Variants in PSME4 observed in about 807,000 individuals in gnomAD.
The protein encoded by PSME4 is proteasome activator complex subunit 4.
In PSME4, 89 loss-of-function variants were observed where a neutral mutation model predicts 253.9. The observed-to-expected ratio is 0.35, with a 90% CI of 0.30 to 0.42. The LOEUF is 0.42. Among genes scored for constraint, PSME4 ranks in the 10% least tolerant of loss-of-function variants. The pLI is 1.00. For missense variants in PSME4, 2,014 were observed against 2,195.2 expected, an observed-to-expected ratio of 0.92 and a Z score of 1.65; for synonymous variants, 851 against 759.2, an observed-to-expected ratio of 1.12 and a Z score of -1.99.
Position 53,875,614 on chromosome 2 carries a change from TA to T in PSME4, c.4944+12del, listed in dbSNP as rs2091004699. 15 of 1,596,502 alleles carry T rather than the reference TA, an allele frequency of 9.4e-6. No homozygotes were observed. Among genetic ancestry groups the T allele is most frequent in the Non-Finnish European group, 1.3e-5 (15 of 1,174,484 alleles). On this transcript the variant is annotated intron_variant, in intron 42 of 46. Coordinates refer to ENST00000404125, the MANE Select transcript of PSME4 (RefSeq NM_014614.3). ...TCCTAATCAAAAGACATAAATATTA[TA>T]AACACTCTTACTTGTTTTAGCACCT...
intron 1 of PSME4, among the ~76,000 whole-genome samples, chr2:53,960,596 T>C (rs992694000): frequency 1.3e-5 from 2 of 152,182 alleles, no homozygotes; most frequent in East Asian, 3.8e-4. Flanking sequence ...AGGAACAGCA[T>C]GGTTCTACAA....
At chr2:53,924,878 G>A (rs1039527350) in intron 14 of PSME4, among the ~76,000 whole-genome samples, 1 of 152,184 alleles carries the variant, frequency 6.6e-6, no homozygotes, top group Non-Finnish European at 1.5e-5. Flanking sequence ...ACAGGATTAT[G>A]TTCCTGTGAA....
intron 41 of PSME4, among the ~76,000 whole-genome samples, chr2:53,882,576 G>A (rs907922094): frequency 6.6e-6 from 1 of 152,104 alleles, no homozygotes; most frequent in Non-Finnish European, 1.5e-5. Context: ...TGAATTAGAT[G>A]CCCATGATTA....
intron 4 of PSME4, among the ~76,000 whole-genome samples, chr2:53,939,358 T>C (rs1397558765): frequency 6.6e-6 from 1 of 152,168 alleles, no homozygotes; most frequent in Non-Finnish European, 1.5e-5. Context: ...AATTGAGCTT[T>C]AATTAATTAA....
chr2:53,898,103 A>C (rs891390742), intron 30 of PSME4, 104 bp from the exon 31 acceptor site: 16 of 1,387,842 alleles, frequency 1.2e-5, no homozygotes, highest in Non-Finnish European at 1.4e-5. Flanking sequence ...CAAGAATTAA[A>C]ATAGGTCTAG....
At position 53,970,893 on chromosome 2, in the gene PSME4, G is replaced by A. The variant is rs1278153843; in HGVS notation, c.-109C>T. ...CTTCGTCGCCCTGCGGCCGCTGGCG[G>A]CCCGTCGCCCTCGGACCGATCGCTA... On this transcript the variant is annotated 5_prime_UTR_variant, in exon 1 of 47. Transcript: ENST00000404125. 8.1e-6 allele frequency: 8 copies of A among 981,818 alleles called. No homozygotes were observed. The highest frequency in any genetic ancestry group is 5.5e-5 in the South Asian group (3 of 54,182). The allele number at this position is 981,818 out of a possible 1,614,324, so 60.8% of individuals were successfully genotyped here.
In PSME4 at chr2:53,897,757, A is replaced by G. The variant is rs1222129275; in HGVS notation, c.3606+113T>C. On this transcript the variant is annotated intron_variant, in intron 31 of 46. Transcript: ENST00000404125. Reference sequence around the variant, plus strand: ...ATCAACAGGGGGAGATTTCAAATCAATACACTTCAAGATATTTATTAACCA... The same window carrying G: ...ATCAACAGGGGGAGATTTCAAATCAGTACACTTCAAGATATTTATTAACCA... The G allele has an allele frequency of 6.5e-6, 8 of 1,226,342 alleles. No homozygotes were observed. The African/African-American group carries it at 1.2e-4, about 19-fold the overall frequency. 76.0% of individuals were successfully genotyped at this position (1,226,342 alleles called of 1,614,324 possible). A position where few individuals can be genotyped will look rare whatever the true frequency, so the allele number is the denominator to read the frequency against.
chr2:53,949,082 A>T (rs1002791341), intron 2 of PSME4, 61 bp downstream of exon 2: 7 of 1,463,392 alleles, frequency 4.8e-6, no homozygotes, highest in Non-Finnish European at 6.3e-6. Context: ...CTTAGTCCTC[A>T]TTCCCTAAAA....
intron 9 of PSME4, among the ~76,000 whole-genome samples, chr2:53,932,310 T>C (rs1208430100): frequency 1.3e-5 from 2 of 152,110 alleles, no homozygotes; most frequent in South Asian, 4.1e-4. Flanking sequence ...AATTCCAGTC[T>C]AAAAAAATTT....
chr2:53,941,445 CA>C (rs1669451672), intron 3 of PSME4, among the ~76,000 whole-genome samples: 1 of 151,346 alleles, frequency 6.6e-6, no homozygotes, highest in East Asian at 1.9e-4. Flanking sequence ...TAAAAAAAAA[CA>C]GGGCAAACTT....
chr2:53,893,533 C>G (rs1405183021), intron 35 of PSME4, 141 bp downstream of exon 35: 1 of 1,457,698 alleles, frequency 6.9e-7, no homozygotes. Flanking sequence ...CAACAAAAGT[C>G]TGTACATGTT....
At chr2:53,962,862 T>C (rs1253963532) in intron 1 of PSME4, among the ~76,000 whole-genome samples, 3 of 151,468 alleles carry the variant, frequency 2.0e-5, no homozygotes, top group Non-Finnish European at 2.9e-5. Context: ...AACAGAAAAA[T>C]TCGCCAGGCA....
Position 53,921,018 on chromosome 2 carries a change from C to T in PSME4, c.2133G>A (p.Lys711=). 2.5e-6 allele frequency: 4 copies of T among 1,614,088 alleles called. No individual in the cohort carries two copies. Among genetic ancestry groups the T allele is most frequent in the Non-Finnish European group, 3.4e-6 (4 of 1,179,992 alleles). ...GGTTACAAGACAGAGTGTAACCCTGCTTACAGGTTAAATGTAGGGTTCTTT... is the reference window on the plus strand; with the variant it reads ...GGTTACAAGACAGAGTGTAACCCTGTTTACAGGTTAAATGTAGGGTTCTTT... ...ILQRTLHLTC[K]QGYTLSCNLL... The change falls in exon 18 of 47, where the codon AAG becomes AAA. Residue 711 remains lysine (K), a synonymous_variant. Transcript: ENST00000404125.
intron 8 of PSME4, among the ~76,000 whole-genome samples, chr2:53,933,772 T>A (rs1277349422): frequency 6.6e-6 from 1 of 152,180 alleles, no homozygotes. Flanking sequence ...CTAATACTAA[T>A]CACTATCCAA....
chr2:53,895,513 A>G, intron 33 of PSME4, 70 bp downstream of exon 33: 1 of 1,483,444 alleles, frequency 6.7e-7, no homozygotes, highest in Non-Finnish European at 9.0e-7. Flanking sequence ...GAACCTCCCC[A>G]GAAACCAAAA....
chr2:53,897,628 A>G (rs1025589563), intron 31 of PSME4, among the ~76,000 whole-genome samples: 2 of 152,180 alleles, frequency 1.3e-5, no homozygotes, highest in Admixed American at 6.5e-5. Context: ...TAATTGTTAA[A>G]TCTTTCCCAT....
At chr2:53,920,537 GAA>G (rs776638128) in intron 18 of PSME4, among the ~76,000 whole-genome samples, 187 bp from the exon 19 acceptor site, 1 of 152,138 alleles carries the variant, frequency 6.6e-6, no homozygotes, top group African/African-American at 2.4e-5. Flanking sequence ...TATCACTCCT[GAA>G]AAAAGTCTCC....
chr2:53,919,056 C>T (rs1159624458), intron 20 of PSME4, 95 bp downstream of exon 20: 8 of 1,219,658 alleles, frequency 6.6e-6, no homozygotes, highest in African/African-American at 1.6e-5. Context: ...TAAAGTGATA[C>T]AGAAATAAAA....
chr2:53,918,226 G>A (rs12623273), intron 20 of PSME4, among the ~76,000 whole-genome samples: 11,432 of 152,084 alleles, frequency 0.075, 619 homozygotes, highest in East Asian at 0.26. Flanking sequence ...ATTTACATGT[G>A]ATTTCATTAA....
Sources: gnomAD v4.1 joint callset for allele counts (sites outside exome capture counted in the v4.1 genomes callset) on GRCh38, gnomAD v4.1.1 for gene constraint, MANE v1.5 for transcripts, NCBI Gene and HGNC (gene_info 2026-07-23, HGNC 2026-07-21) for gene names.